The following R3HDM1 variants were observed in gnomAD, a reference collection of about 807,000 sequenced individuals.
The protein encoded by R3HDM1 is R3H domain containing 1, also known as R3H domain-containing protein 1.
Under a neutral mutation model 141.1 loss-of-function variants are expected in R3HDM1, and 46 were observed. The observed-to-expected ratio is 0.33, with a 90% confidence interval of 0.26 to 0.42. The LOEUF (loss-of-function observed/expected upper bound fraction) is 0.42. Among genes scored for constraint, R3HDM1 ranks in the 10% least tolerant of loss-of-function variants. The pLI is 1.00. For missense variants in R3HDM1, 1,184 were observed against 1,368.3 expected (o/e 0.87, Z 2.12); for synonymous variants, 435 against 472.9 (o/e 0.92, Z 1.04).
chr2:135,619,784 T>C, intron 5 of R3HDM1: 1 of 918,764 alleles, frequency 1.1e-6, no homozygotes. Context: ...TAAAACTCAT[T>C]ATTCAAAAAG....
chr2:135,683,570 A>AAAAAAC (rs1553620829), intron 21 of R3HDM1, among the ~76,000 whole-genome samples: 1 of 141,834 alleles, frequency 7.1e-6, no homozygotes, highest in African/African-American at 2.7e-5. Context: ...AAAAAAAAAA[A>AAAAAAC]AATTCATTAA....
chr2:135,620,596 A>G, intron 5 of R3HDM1: 3 of 982,040 alleles, frequency 3.1e-6, no homozygotes, highest in Non-Finnish European at 2.4e-6. Flanking sequence ...TAAAAAGTCT[A>G]CGTGTCTGAT....
chr2:135,695,907 G>A (rs1420986851), intron 21 of R3HDM1, among the ~76,000 whole-genome samples: 2 of 152,166 alleles, frequency 1.3e-5, no homozygotes, highest in Admixed American at 6.6e-5. Flanking sequence ...CAAATAAAAG[G>A]TAAGCAATAT....
chr2:135,556,273 A>G (rs1243070764), intron 1 of R3HDM1, among the ~76,000 whole-genome samples: 3 of 152,176 alleles, frequency 2.0e-5, no homozygotes, highest in African/African-American at 4.8e-5. Context: ...TTGTGGTAAT[A>G]AAAATGTTCT....
chr2:135,537,203 T>C (rs1290716334), intron 1 of R3HDM1, among the ~76,000 whole-genome samples: 1 of 150,430 alleles, frequency 6.6e-6, no homozygotes, highest in Non-Finnish European at 1.5e-5. Context: ...AGTCTTACTG[T>C]TGTGAAGTCA....
chr2:135,532,235 A>G (rs905466753), intron 1 of R3HDM1, among the ~76,000 whole-genome samples: 1 of 152,246 alleles, frequency 6.6e-6, no homozygotes, highest in Non-Finnish European at 1.5e-5. Context: ...GAAAAAGCAC[A>G]ATGGGAATAT....
chr2:135,538,881 T>G (rs765258639), intron 1 of R3HDM1, among the ~76,000 whole-genome samples: 7 of 152,260 alleles, frequency 4.6e-5, no homozygotes, highest in Non-Finnish European at 8.8e-5. Context: ...CCCAATGTGC[T>G]TGGATTACAG....
chr2:135,670,974 G>A lies in R3HDM1; in HGVS notation c.2153-4358G>A, dbSNP rs77861948. On this transcript the variant is annotated intron_variant, in intron 19 of 26. Transcript: ENST00000683871. ...CTCAGGAGGCTAAAACAGGAGAGTC[G>A]TTTGACCCAGGAGGCAGAGTTTGCA... Among the ~76,000 whole-genome samples the A allele has an allele frequency of 3.2e-3, 491 of 151,984 alleles. 2 individuals carry two copies. Among genetic ancestry groups the A allele is most frequent in the African/African-American group, 0.011 (466 of 41,460 alleles).
chr2:135,536,173 CCT>C (rs1696059958), intron 1 of R3HDM1, among the ~76,000 whole-genome samples: 1 of 151,990 alleles, frequency 6.6e-6, no homozygotes, highest in African/African-American at 2.4e-5. Flanking sequence ...AGGGATTCAC[CCT>C]GTCACCCAGA....
At chr2:135,599,917 G>T (rs569568132) in intron 1 of R3HDM1, among the ~76,000 whole-genome samples, 2 of 151,716 alleles carry the variant, frequency 1.3e-5, no homozygotes, top group African/African-American at 2.4e-5. Flanking sequence ...ACCTATAGTC[G>T]CAGTTACTCA....
chr2:135,649,884 C>G lies in R3HDM1; in HGVS notation c.1624-18C>G. 8.3e-7 allele frequency: 1 copy of G among 1,198,030 alleles called. No individual in the cohort carries two copies. The highest frequency in any genetic ancestry group is 1.1e-6 in the Non-Finnish European group (1 of 931,498). The allele number at this position is 1,198,030 out of a possible 1,614,324, so 74.2% of individuals were successfully genotyped here. On this transcript the variant is annotated intron_variant, in intron 16 of 26. Transcript: ENST00000683871. The stretch of plus-strand genomic sequence containing the variant: ...TTATTCTGACATTAACATTGTTTGC[C>G]AACCTGTTATTCTTTAGCCTGTTCA...
In R3HDM1 at chr2:135,716,907, G is replaced by A. The variant is rs547860460; in HGVS notation, c.2881+1213G>A. Among the ~76,000 whole-genome samples, 11 of 152,114 alleles carry A rather than the reference G, an allele frequency of 7.2e-5. 1 individual carries two copies. The highest frequency in any genetic ancestry group is 4.6e-4 in the Admixed American group (7 of 15,276). ...GCAGAGGCTGCAGTGAGCCAAGATC[G>A]TGCCACTGCACTCCAGCCTGGGCGA... On this transcript the variant is annotated intron_variant, in intron 24 of 26. Coordinates refer to ENST00000683871, the MANE Select transcript of R3HDM1 (RefSeq NM_001378107.1).
At chr2:135,666,697 G>A (rs1559384803) in intron 19 of R3HDM1, among the ~76,000 whole-genome samples, 1 of 152,138 alleles carries the variant, frequency 6.6e-6, no homozygotes, top group African/African-American at 2.4e-5. Context: ...TCAGGCACAG[G>A]AGTGAGAGAA....
In R3HDM1 at chr2:135,648,118, G is replaced by A. The variant is rs187917799; in HGVS notation, c.1624-1784G>A. On this transcript the variant is annotated intron_variant, in intron 16 of 26. Transcript: ENST00000683871. Reference sequence around the variant, plus strand: ...TGTTCTTGAGAGTTCTAAAGCTATGGCACCTCATGTAGTATAATATGTACT... The same window carrying A: ...TGTTCTTGAGAGTTCTAAAGCTATGACACCTCATGTAGTATAATATGTACT... Among the ~76,000 whole-genome samples, 8 of 152,196 alleles carry A rather than the reference G, an allele frequency of 5.3e-5. No individual in the cohort carries two copies. The East Asian group carries it at 1.5e-3, about 29-fold the overall frequency.
chr2:135,622,059 G>C (rs2061558934), intron 6 of R3HDM1: 1 of 984,328 alleles, frequency 1.0e-6, no homozygotes. Flanking sequence ...CAATAGAAAT[G>C]CTTTTTAAAT....
At chr2:135,538,363 A>T (rs1696689889) in intron 1 of R3HDM1, among the ~76,000 whole-genome samples, 1 of 152,248 alleles carries the variant, frequency 6.6e-6, no homozygotes, top group Non-Finnish European at 1.5e-5. Context: ...CAAAGGCCTC[A>T]GACATAATTG....
chr2:135,602,565 G>C lies in R3HDM1; in HGVS notation c.-184G>C. On this transcript the variant is annotated 5_prime_UTR_variant, in exon 2 of 27. It removes the in-frame stop codon of an upstream open reading frame in the 5' UTR. Transcript: ENST00000683871. ...TTCCAGTCCGGGAATCTACAGTGGT[G>C]ACAAGGACATGGGACTCCTCCTGCC... is the stretch of plus-strand genomic sequence containing the variant. The C allele has an allele frequency of 6.6e-7, 1 of 1,514,484 alleles. No individual in the cohort carries two copies. Among genetic ancestry groups the C allele is most frequent in the South Asian group, 1.3e-5 (1 of 76,924 alleles). The allele number at this position is 1,514,484 out of a possible 1,614,324, so 93.8% of individuals were successfully genotyped here.
Position 135,680,328 on chromosome 2 carries a change from A to C in R3HDM1, c.2459+4A>C. 6.2e-7 allele frequency: 1 copy of C among 1,613,142 alleles called. No individual in the cohort carries two copies. Among genetic ancestry groups the C allele is most frequent in the Non-Finnish European group, 8.5e-7 (1 of 1,179,372 alleles). ...CTGGTCAACAAAACAATTTAAGGTG[A>C]GTATGACTGAGTAACCTAATCTTCC... On this transcript the variant is annotated splice_donor_region_variant and intron_variant, in intron 21 of 26. Transcript: ENST00000683871.
At chr2:135,683,503 G>A (rs1290484689) in intron 21 of R3HDM1, among the ~76,000 whole-genome samples, 4 of 146,670 alleles carry the variant, frequency 2.7e-5, no homozygotes, top group Non-Finnish European at 5.9e-5. Context: ...GTAGTGAGCC[G>A]AGATCATGCC....
Sources: gnomAD v4.1 joint callset for allele counts (sites outside exome capture counted in the v4.1 genomes callset) on GRCh38, gnomAD v4.1.1 for gene constraint, MANE v1.5 for transcripts, NCBI Gene and HGNC (gene_info 2026-07-23, HGNC 2026-07-21) for gene names.